The following FMN1 variants were observed in gnomAD, a reference collection of about 807,000 sequenced individuals.
FMN1 encodes the protein formin-1.
A neutral mutation model predicts 132.4 loss-of-function variants in FMN1; 110 were observed. The ratio of observed to expected loss-of-function variants is 0.83; its 90% CI spans 0.71 to 0.97. FMN1 has a LOEUF of 0.97. Ranked by LOEUF, FMN1 falls within the 50% of genes least tolerant of loss-of-function variation. The pLI is 0.00. For missense variants in FMN1, 1,792 were observed against 1,705.3 expected, an observed-to-expected ratio of 1.05 and a Z score of -0.90; for synonymous variants, 722 against 651.7, an observed-to-expected ratio of 1.11 and a Z score of -1.64.
At chr15:32,840,985 C>T (rs563954090) in intron 17 of FMN1, among the ~76,000 whole-genome samples, 1 of 152,306 alleles carries the variant, frequency 6.6e-6, no homozygotes, top group African/African-American at 2.4e-5. Flanking sequence ...GAGGGACTTA[C>T]AGACAGAAAC....
chr15:33,166,721 T>C (rs548264384), intron 3 of FMN1, among the ~76,000 whole-genome samples: 1 of 152,316 alleles, frequency 6.6e-6, no homozygotes, highest in African/African-American at 2.4e-5. Flanking sequence ...AGGAAGGCCC[T>C]CTTCATCTTA....
chr15:33,063,862 A>G lies in FMN1; in HGVS notation c.2161+1095T>C, dbSNP rs1595384730. On this transcript the variant is annotated intron_variant, in intron 6 of 20. Transcript: ENST00000616417. ...CCACCCTTATGCTGTTCATTCTTAC[A>G]CAATTATGATTTTTGGAAAATCAAA... is the stretch of plus-strand genomic sequence containing the variant. 3.3e-5 allele frequency: 5 copies of G among 152,304 alleles called. No homozygotes were observed. In the East Asian group the frequency reaches 9.6e-4, roughly 29 times the overall value. 9.4% of individuals were successfully genotyped at this position (152,304 alleles called of 1,614,324 possible).
intron 3 of FMN1, among the ~76,000 whole-genome samples, chr15:33,162,523 C>A (rs1964936975): frequency 6.6e-6 from 1 of 151,908 alleles, no homozygotes; most frequent in Admixed American, 6.6e-5. Context: ...AAAATATGGG[C>A]CTTGGACAGG....
intron 6 of FMN1, among the ~76,000 whole-genome samples, chr15:33,014,364 A>T (rs1277287888): frequency 1.3e-5 from 2 of 152,206 alleles, no homozygotes; most frequent in African/African-American, 2.4e-5. Flanking sequence ...GGATGTGTGT[A>T]TTTGTTAAAA....
At chr15:32,929,980 AATTTTTT>A (rs1452894693) in intron 9 of FMN1, among the ~76,000 whole-genome samples, 234 of 126,166 alleles carry the variant, frequency 1.9e-3, no homozygotes, top group African/African-American at 7.8e-3. Flanking sequence ...TCTATTTTTA[AATTTTTT>A]TTTTTTTTTT....
At chr15:33,127,554 A>G (rs1315163554) in intron 4 of FMN1, among the ~76,000 whole-genome samples, 1 of 152,230 alleles carries the variant, frequency 6.6e-6, no homozygotes, top group East Asian at 1.9e-4. Flanking sequence ...TAAACAGTGA[A>G]CCTTTTAAAA....
chr15:33,184,967 C>A (rs1225183461), intron 2 of FMN1, among the ~76,000 whole-genome samples: 1 of 152,088 alleles, frequency 6.6e-6, no homozygotes. Flanking sequence ...TATATGTGTG[C>A]TTATATTGTT....
At chr15:33,062,377 T>C (rs891033423) in intron 6 of FMN1, among the ~76,000 whole-genome samples, 1 of 152,100 alleles carries the variant, frequency 6.6e-6, no homozygotes, top group African/African-American at 2.4e-5. Context: ...ATCCCAGCAC[T>C]TTGGGAGGTC....
intron 4 of FMN1, among the ~76,000 whole-genome samples, chr15:33,095,861 T>TAA (rs2039065318): frequency 6.6e-6 from 1 of 152,010 alleles, no homozygotes; most frequent in Non-Finnish European, 1.5e-5. Flanking sequence ...GCTAAGGAAG[T>TAA]AAAGTAGAGA....
intron 17 of FMN1, among the ~76,000 whole-genome samples, chr15:32,836,791 G>A (rs2058637318): frequency 2.0e-5 from 3 of 151,984 alleles, no homozygotes; most frequent in South Asian, 2.1e-4. Flanking sequence ...AAAGCTGAAC[G>A]TGCTCACTTG....
rs375714453 is a variant in FMN1 at position 33,172,207 on chromosome 15, C to CAAA, written c.-132+7988_-132+7990dup. 6.5e-3 allele frequency among the ~76,000 whole-genome samples: 656 copies of CAAA among 101,124 alleles called. 2 individuals carry two copies. The highest frequency in any genetic ancestry group is 0.024 in the African/African-American group (638 of 26,292). 66.3% of individuals were successfully genotyped at this position (101,124 alleles called of 152,430 possible). A position where few individuals can be genotyped will look rare whatever the true frequency, so the allele number is the denominator to read the frequency against. ...TGGGTGGCAGAGCGAGACTCCGTCTCAAAAAAAAAAAAAGAAAAGAAAGAA... is the reference window on the plus strand; with the variant it reads ...TGGGTGGCAGAGCGAGACTCCGTCTCAAAAAAAAAAAAAAAAGAAAAGAAAGAA... On this transcript the variant is annotated intron_variant, in intron 3 of 20. Coordinates refer to ENST00000616417, the MANE Select transcript of FMN1 (RefSeq NM_001277313.2).
At position 33,041,069 on chromosome 15, in the gene FMN1, A is replaced by G. The variant is rs151241915; in HGVS notation, c.2161+23888T>C. Among the ~76,000 whole-genome samples the G allele has an allele frequency of 2.0e-3, 301 of 152,250 alleles. 3 individuals are homozygous for G. The highest frequency in any genetic ancestry group is 6.9e-3 in the African/African-American group (288 of 41,542). ...AAGTCAAATTCAGCATTTCATCATGACCAAATAAAACTCATGTCAAGAATG... is the reference window on the plus strand; with the variant it reads ...AAGTCAAATTCAGCATTTCATCATGGCCAAATAAAACTCATGTCAAGAATG... On this transcript the variant is annotated intron_variant, in intron 6 of 20. Transcript: ENST00000616417.
chr15:33,001,301 T>C (rs971732038), intron 7 of FMN1, among the ~76,000 whole-genome samples: 3 of 151,806 alleles, frequency 2.0e-5, no homozygotes, highest in Non-Finnish European at 4.4e-5. Flanking sequence ...AAAAAAAAAG[T>C]GTAGCAATTT....
intron 17 of FMN1, among the ~76,000 whole-genome samples, chr15:32,809,094 T>C (rs1014526118): frequency 3.9e-5 from 6 of 152,168 alleles, no homozygotes; most frequent in African/African-American, 7.2e-5. Context: ...CTGGGAGTCA[T>C]GGGGGTGGAT....
Position 33,154,640 on chromosome 15 carries a change from G to A in FMN1, c.275C>T (p.Thr92Ile). Reference protein sequence around the residue: ...DILTELYKLTTERERLLTNLL... With the variant: ...DILTELYKLTIERERLLTNLL... ...ATTGGTTAGCAGTCTCTCCCTCTCT[G>A]TTGTGAGTTTGTACAGCTCAGTTAG... The change falls in exon 4 of 21, where the codon ACA (threonine) becomes ATA (isoleucine). Residue 92 changes from threonine to isoleucine, a missense_variant. Around this residue, in one of 3 missense-constraint regions of FMN1, gnomAD observed 638 missense variants for 645.2 expected, o/e 0.99. Coordinates refer to ENST00000616417, the MANE Select transcript of FMN1 (RefSeq NM_001277313.2). 1 of 1,536,130 alleles carries A rather than the reference G, an allele frequency of 6.5e-7. No homozygotes were observed.
chr15:32,890,982 T>G, intron 15 of FMN1, among the ~76,000 whole-genome samples: 1 of 152,232 alleles, frequency 6.6e-6, no homozygotes, highest in East Asian at 1.9e-4. Context: ...CAGCACCATT[T>G]GTTGAAAAGG....
Position 32,969,381 on chromosome 15 carries a change from C to G in FMN1, c.2320G>C (p.Glu774Gln), listed in dbSNP as rs2031578113. 1 of 1,613,988 alleles carries G rather than the reference C, an allele frequency of 6.2e-7. No individual in the cohort carries two copies. The highest frequency in any genetic ancestry group is 1.7e-5 in the Admixed American group (1 of 60,014). The change falls in exon 8 of 21, where the codon GAA becomes CAA. Residue 774 changes from glutamate to glutamine, a missense_variant. This residue lies in a region of FMN1 where 1,150 missense variants were observed against 1,043.1 expected (regional missense o/e 1.10). Transcript: ENST00000616417. ...ETIENLKHEL[E>Q]HRWRGGCEER... ...TCACAACCCCCTCGCCATCTGTGTT[C>G]TAGCTCGTGTTTCAGATTTTCAATG...
Position 32,838,662 on chromosome 15 carries a change from T to A in FMN1, c.3928+18353A>T, listed in dbSNP as rs374789862. Among the ~76,000 whole-genome samples, 12 of 152,300 alleles carry A rather than the reference T, an allele frequency of 7.9e-5. No individual in the cohort carries two copies. In the South Asian group the frequency reaches 1.7e-3, roughly 21 times the overall value. On this transcript the variant is annotated intron_variant, in intron 17 of 20. Transcript: ENST00000616417. ...CCTCTGTTGTCAGCATTTGGCTAAT[T>A]AAGGAAAGATATTACCCTACAGATC...
intron 6 of FMN1, among the ~76,000 whole-genome samples, chr15:33,019,407 G>A (rs1054633513): frequency 2.6e-5 from 4 of 152,176 alleles, no homozygotes; most frequent in Non-Finnish European, 4.4e-5. Context: ...CCAGACTCAG[G>A]AGCCCAGCTG....
Sources: gnomAD v4.1 joint callset for allele counts (sites outside exome capture counted in the v4.1 genomes callset) on GRCh38, gnomAD v4.1.1 for gene constraint, gnomAD v4.1.1 regional missense constraint, MANE v1.5 for transcripts, NCBI Gene and HGNC (gene_info 2026-07-23, HGNC 2026-07-21) for gene names.